Variants in EMCN observed in about 807,000 individuals in gnomAD.
The protein encoded by EMCN is endomucin.
In EMCN, 37 loss-of-function variants were observed where a neutral mutation model predicts 38.4. The ratio of observed to expected loss-of-function variants is 0.96; its 90% CI spans 0.74 to 1.27. The LOEUF is 1.27. Among genes scored for constraint, EMCN ranks in the 50% most tolerant of loss-of-function variants. EMCN has a pLI of 0.00. For missense variants in EMCN, 318 were observed against 302.8 expected (o/e 1.05, Z -0.37); for synonymous variants, 95 against 100.8 (o/e 0.94, Z 0.35).
chr4:100,492,413 G>C (rs1310636782), intron 1 of EMCN, among the ~76,000 whole-genome samples: 1 of 152,020 alleles, frequency 6.6e-6, no homozygotes, highest in African/African-American at 2.4e-5. Context: ...ATACCATTAA[G>C]AGACCAAACA....
chr4:100,404,436 A>G (rs1228619391), intron 11 of EMCN, among the ~76,000 whole-genome samples: 1 of 152,150 alleles, frequency 6.6e-6, no homozygotes, highest in African/African-American at 2.4e-5. Flanking sequence ...TACCAGTATC[A>G]TACTGTACTA....
chr4:100,515,047 A>G (rs1185860736), intron 1 of EMCN, among the ~76,000 whole-genome samples: 1 of 152,130 alleles, frequency 6.6e-6, no homozygotes, highest in Non-Finnish European at 1.5e-5. Flanking sequence ...ATGTTCAATC[A>G]CTAACAAAGG....
rs972415758 is a variant in EMCN at position 100,436,543 on chromosome 4, C to T, written c.415+10990G>A. Among the ~76,000 whole-genome samples the T allele has an allele frequency of 2.0e-5, 3 of 152,214 alleles. No individual in the cohort carries two copies. The South Asian group carries it at 6.2e-4, about 32-fold the overall frequency. On this transcript the variant is annotated intron_variant, in intron 5 of 11. Coordinates refer to ENST00000296420, the MANE Select transcript of EMCN (RefSeq NM_016242.4). ...CCCAAAGGAATATAAACCATCCTATCATAAAGTTATATGCATGCATATGTT... is the reference window on the plus strand; with the variant it reads ...CCCAAAGGAATATAAACCATCCTATTATAAAGTTATATGCATGCATATGTT...
intron 4 of EMCN, among the ~76,000 whole-genome samples, chr4:100,460,656 A>G (rs776882811): frequency 3.9e-5 from 6 of 152,152 alleles, no homozygotes; most frequent in Admixed American, 1.3e-4. Context: ...ACCTCCCTCC[A>G]GGTCCCTCCC....
intron 4 of EMCN, among the ~76,000 whole-genome samples, chr4:100,464,312 C>A (rs185811822): frequency 6.6e-6 from 1 of 151,842 alleles, no homozygotes; most frequent in Admixed American, 6.6e-5. Flanking sequence ...GAATTTTCTA[C>A]GTAGATAATT....
At chr4:100,495,717 C>A (rs573473597) in intron 1 of EMCN, among the ~76,000 whole-genome samples, 3 of 152,110 alleles carry the variant, frequency 2.0e-5, no homozygotes, top group Admixed American at 6.5e-5. Context: ...AGTTTAGAGT[C>A]ATTACATAAA....
At chr4:100,402,926 A>G (rs1397551321) in intron 11 of EMCN, among the ~76,000 whole-genome samples, 1 of 152,130 alleles carries the variant, frequency 6.6e-6, no homozygotes, top group Admixed American at 6.6e-5. Flanking sequence ...TTTACTAGCC[A>G]CTGGGTTGCA....
intron 1 of EMCN, among the ~76,000 whole-genome samples, chr4:100,489,957 G>C (rs979770388): frequency 8.5e-5 from 13 of 152,082 alleles, no homozygotes; most frequent in Non-Finnish European, 1.6e-4. Flanking sequence ...AAAAAAGATG[G>C]TTAACTAGAA....
At chr4:100,406,198 G>A (rs1449742429) in intron 11 of EMCN, among the ~76,000 whole-genome samples, 1 of 151,818 alleles carries the variant, frequency 6.6e-6, no homozygotes, top group African/African-American at 2.4e-5. Context: ...TTTTGGTTTT[G>A]TTGATCTTTT....
intron 5 of EMCN, among the ~76,000 whole-genome samples, chr4:100,428,416 TC>T (rs1351068163): frequency 2.2e-4 from 33 of 152,246 alleles, no homozygotes; most frequent in African/African-American, 7.7e-4. Context: ...TGTGATCCCT[TC>T]CTCCTCTATT....
intron 3 of EMCN, among the ~76,000 whole-genome samples, chr4:100,470,688 A>G (rs1656853998): frequency 6.6e-6 from 1 of 151,986 alleles, no homozygotes; most frequent in Non-Finnish European, 1.5e-5. Flanking sequence ...ATACACCATG[A>G]AATACCATGC....
At chr4:100,411,423 T>A (rs1199244423) in intron 10 of EMCN, among the ~76,000 whole-genome samples, 1 of 152,222 alleles carries the variant, frequency 6.6e-6, no homozygotes, top group Non-Finnish European at 1.5e-5. Flanking sequence ...CCAGAAGTCA[T>A]GCAAAGCAAG....
At chr4:100,514,709 C>G (rs184704618) in intron 1 of EMCN, among the ~76,000 whole-genome samples, 431 of 152,086 alleles carry the variant, frequency 2.8e-3, no homozygotes, top group African/African-American at 9.9e-3. Flanking sequence ...TAGAATATAC[C>G]AATGTTTCAA....
rs113454348 is a variant in EMCN, at chr4:100,454,679, T to C, written c.377-7108A>G. ...CAATTTCTTTTTCTGCGGAATGTGTTTTGGGTGAGAATACCAGATAACTGT... is the reference window on the plus strand; with the variant it reads ...CAATTTCTTTTTCTGCGGAATGTGTCTTGGGTGAGAATACCAGATAACTGT... On this transcript the variant is annotated intron_variant, in intron 4 of 11. Transcript: ENST00000296420. Among the ~76,000 whole-genome samples, 721 of 152,272 alleles carry C rather than the reference T, an allele frequency of 4.7e-3. 7 individuals are homozygous for C. Among genetic ancestry groups the C allele is most frequent in the African/African-American group, 0.017 (687 of 41,550 alleles).
chr4:100,460,483 C>A (rs541729551), intron 4 of EMCN, among the ~76,000 whole-genome samples: 60 of 152,206 alleles, frequency 3.9e-4, no homozygotes, highest in African/African-American at 1.4e-3. Context: ...GGAGGCGTCA[C>A]AATCATGGCT....
At chr4:100,452,892 A>G (rs1218692704) in intron 4 of EMCN, among the ~76,000 whole-genome samples, 1 of 152,144 alleles carries the variant, frequency 6.6e-6, no homozygotes, top group Non-Finnish European at 1.5e-5. Context: ...CAACTATCTG[A>G]TCTTTGACAA....
chr4:100,476,998 A>G (rs1318258634), intron 2 of EMCN, among the ~76,000 whole-genome samples: 1 of 152,204 alleles, frequency 6.6e-6, no homozygotes, highest in Non-Finnish European at 1.5e-5. Context: ...TTATAGTTGT[A>G]TCTAGTTAGT....
chr4:100,510,895 A>G lies in EMCN; in HGVS notation c.64+6956T>C, dbSNP rs76769413. ...GCTTCACTGACATTTATAGCCAAGTACATGTTTTTTTCAACAAACATAACA... is the reference window on the plus strand; with the variant it reads ...GCTTCACTGACATTTATAGCCAAGTGCATGTTTTTTTCAACAAACATAACA... On this transcript the variant is annotated intron_variant, in intron 1 of 11. Transcript: ENST00000296420. 2.9e-3 allele frequency among the ~76,000 whole-genome samples: 445 copies of G among 152,302 alleles called. 5 individuals carry two copies. The highest frequency in any genetic ancestry group is 0.01 in the African/African-American group (427 of 41,574).
At chr4:100,414,282 G>A (rs937162356) in intron 10 of EMCN, among the ~76,000 whole-genome samples, 5 of 149,268 alleles carry the variant, frequency 3.3e-5, no homozygotes, top group East Asian at 2.0e-4. Flanking sequence ...TTGATAAATC[G>A]TGTAGTCACA....
Sources: allele counts gnomAD v4.1 joint callset (sites outside exome capture counted in the v4.1 genomes callset), GRCh38; gene constraint gnomAD v4.1.1; transcripts MANE v1.5; gene names NCBI Gene and HGNC (gene_info 2026-07-23, HGNC 2026-07-21).